The following SLC9C1 variants were observed in gnomAD, a reference collection of about 807,000 sequenced individuals.
The protein encoded by SLC9C1 is sodium/hydrogen exchanger 10.
A neutral mutation model predicts 140.9 loss-of-function variants in SLC9C1; 97 were observed. The ratio of observed to expected loss-of-function variants is 0.69; its 90% CI spans 0.58 to 0.82. The LOEUF (loss-of-function observed/expected upper bound fraction) is 0.82, where lower values mean the gene tolerates loss of function less well. SLC9C1 is among the 40% of genes least tolerant of loss of function. The pLI is 0.00. For synonymous variants in SLC9C1, 440 were observed against 442.6 expected (o/e 0.99, Z 0.07); for missense variants, 1,340 against 1,389.3 (o/e 0.96, Z 0.56).
At chr3:112,199,722 G>A (rs2077858893) in intron 19 of SLC9C1, among the ~76,000 whole-genome samples, 1 of 152,000 alleles carries the variant, frequency 6.6e-6, no homozygotes, top group Admixed American at 6.6e-5. Flanking sequence ...TTCGTTTCTA[G>A]GATTAACAGG....
chr3:112,252,911 T>C (rs1368001526), intron 10 of SLC9C1, among the ~76,000 whole-genome samples: 1 of 152,072 alleles, frequency 6.6e-6, no homozygotes, highest in Non-Finnish European at 1.5e-5. Flanking sequence ...GCAAAATGTC[T>C]GTACCTCCCT....
chr3:112,258,580 C>T (rs566439586), intron 10 of SLC9C1, among the ~76,000 whole-genome samples: 11 of 151,966 alleles, frequency 7.2e-5, no homozygotes, highest in South Asian at 2.1e-4. Context: ...ACTACAGGTG[C>T]GCACCACCAC....
chr3:112,283,957 A>G (rs1426066949), intron 2 of SLC9C1, among the ~76,000 whole-genome samples: 1 of 152,214 alleles, frequency 6.6e-6, no homozygotes, highest in Non-Finnish European at 1.5e-5. Flanking sequence ...ACAGATAGCA[A>G]AGCACAAAGT....
intron 20 of SLC9C1, among the ~76,000 whole-genome samples, chr3:112,196,775 G>A (rs2077777110): frequency 6.6e-6 from 1 of 151,802 alleles, no homozygotes; most frequent in African/African-American, 2.4e-5. Flanking sequence ...TTTCCATTTT[G>A]TTCATGTATT....
At chr3:112,213,620 AT>A (rs1356274796) in intron 15 of SLC9C1, among the ~76,000 whole-genome samples, 1 of 152,228 alleles carries the variant, frequency 6.6e-6, no homozygotes, top group Non-Finnish European at 1.5e-5. Flanking sequence ...AGGCCATTAC[AT>A]AATGGTAAAG....
chr3:112,185,546 T>C, intron 20 of SLC9C1: 1 of 1,613,352 alleles, frequency 6.2e-7, no homozygotes, highest in South Asian at 1.1e-5. Context: ...CGTCAGGCGA[T>C]CTCCGCAGCA....
rs1417673673 is a variant in SLC9C1 at position 112,205,891 on chromosome 3, A to G, written c.1987-1488T>C. On this transcript the variant is annotated intron_variant, in intron 16 of 28. Coordinates refer to ENST00000305815, the MANE Select transcript of SLC9C1 (RefSeq NM_183061.3). ...AGACTTAAACATTAGACCTAAAACCATAAAACCCTAGAAGAAAACCTAGGC... is the reference window on the plus strand; with the variant it reads ...AGACTTAAACATTAGACCTAAAACCGTAAAACCCTAGAAGAAAACCTAGGC... 1.3e-4 allele frequency among the ~76,000 whole-genome samples: 8 copies of G among 60,160 alleles called. 1 individual carries two copies. The highest frequency in any genetic ancestry group is 2.6e-4 in the Non-Finnish European group (7 of 27,422). The allele number at this position is 60,160 out of a possible 152,430, so 39.5% of individuals were successfully genotyped here.
chr3:112,157,348 T>C (rs2075153665), intron 26 of SLC9C1, among the ~76,000 whole-genome samples: 2 of 152,154 alleles, frequency 1.3e-5, no homozygotes, highest in African/African-American at 2.4e-5. Flanking sequence ...GATTTATTTC[T>C]GGGTTCTTTA....
At chr3:112,247,845 T>C (rs2108245133) in intron 10 of SLC9C1, among the ~76,000 whole-genome samples, 1 of 151,194 alleles carries the variant, frequency 6.6e-6, no homozygotes. Flanking sequence ...GAAGAGAAAA[T>C]GTAAAGTGGT....
intron 20 of SLC9C1, among the ~76,000 whole-genome samples, chr3:112,184,467 A>G (rs1358529456): frequency 2.1e-5 from 3 of 140,668 alleles, no homozygotes; most frequent in Non-Finnish European, 4.6e-5. Flanking sequence ...ATGAAACCCC[A>G]TCTCTACTAA....
intron 14 of SLC9C1, among the ~76,000 whole-genome samples, chr3:112,218,822 T>G (rs185861798): frequency 6.6e-6 from 1 of 152,302 alleles, no homozygotes; most frequent in Non-Finnish European, 1.5e-5. Flanking sequence ...GCAGCACAAA[T>G]TACTGAGTAA....
intron 26 of SLC9C1, among the ~76,000 whole-genome samples, chr3:112,160,076 ATAGG>A (rs1343081890): frequency 1.3e-5 from 2 of 151,832 alleles, no homozygotes; most frequent in East Asian, 3.8e-4. Flanking sequence ...GTTACTACTA[ATAGG>A]TAGGGACTTA....
chr3:112,224,856 C>G (rs770549843), intron 13 of SLC9C1, among the ~76,000 whole-genome samples: 1 of 151,422 alleles, frequency 6.6e-6, no homozygotes, highest in Non-Finnish European at 1.5e-5. Context: ...AAAGAGCGAG[C>G]CAAAGAACCC....
intron 15 of SLC9C1, among the ~76,000 whole-genome samples, chr3:112,217,000 A>G (rs1165291968): frequency 6.6e-6 from 1 of 152,186 alleles, no homozygotes; most frequent in Admixed American, 6.5e-5. Flanking sequence ...TATGTCACAT[A>G]TACACCGTGG....
At chr3:112,276,337 A>G (rs966024532) in intron 5 of SLC9C1, among the ~76,000 whole-genome samples, 1 of 151,866 alleles carries the variant, frequency 6.6e-6, no homozygotes. Flanking sequence ...GTACTTATGT[A>G]TTCTGACAGT....
intron 15 of SLC9C1, among the ~76,000 whole-genome samples, chr3:112,213,895 C>T (rs1238162888): frequency 6.6e-6 from 1 of 152,192 alleles, no homozygotes; most frequent in Non-Finnish European, 1.5e-5. Context: ...CCCAAATCAA[C>T]AGAATATACA....
chr3:112,271,393 GTATATA>G (rs57918598), intron 6 of SLC9C1, among the ~76,000 whole-genome samples: 1 of 125,574 alleles, frequency 8.0e-6, no homozygotes, highest in South Asian at 2.8e-4. Context: ...ATTCTACATT[GTATATA>G]TATATATATA....
chr3:112,166,544 C>T (rs1461717185), intron 26 of SLC9C1, among the ~76,000 whole-genome samples: 1 of 152,154 alleles, frequency 6.6e-6, no homozygotes, highest in Non-Finnish European at 1.5e-5. Context: ...AAGTTTTCAC[C>T]TGTGAATTGT....
At chr3:112,235,937 T>C (rs1012435145) in intron 12 of SLC9C1, among the ~76,000 whole-genome samples, 4 of 152,164 alleles carry the variant, frequency 2.6e-5, no homozygotes, top group Admixed American at 2.6e-4. Flanking sequence ...TCTTGTTTTT[T>C]GTTGTGTCTC....
Sources: gnomAD v4.1 joint callset for allele counts (sites outside exome capture counted in the v4.1 genomes callset) on GRCh38, gnomAD v4.1.1 for gene constraint, MANE v1.5 for transcripts, NCBI Gene and HGNC (gene_info 2026-07-23, HGNC 2026-07-21) for gene names.